Variants in RRP1B observed in about 807,000 individuals in gnomAD.
The protein encoded by RRP1B is ribosomal RNA processing protein 1 homolog B.
In RRP1B, 56 loss-of-function variants were observed where a neutral mutation model predicts 80.2. That is an observed-to-expected ratio of 0.70 (90% confidence interval 0.56 to 0.87). The LOEUF (loss-of-function observed/expected upper bound fraction) is 0.87, where lower values mean the gene tolerates loss of function less well. RRP1B is among the 40% of genes least tolerant of loss of function. RRP1B has a pLI of 0.00. For synonymous variants in RRP1B, 351 were observed against 357.6 expected (o/e 0.98, Z 0.21); for missense variants, 807 against 939.8 (o/e 0.86, Z 1.85).
chr21:43,679,209 G>GTTTTTTGT (rs137939999), intron 8 of RRP1B, among the ~76,000 whole-genome samples: 4,711 of 136,482 alleles, frequency 0.035, 293 homozygotes, highest in African/African-American at 0.16. Context: ...GTTTTTGAGG[G>GTTTTTTGT]TTTTTTGTTT....
intron 1 of RRP1B, among the ~76,000 whole-genome samples, chr21:43,660,941 A>G (rs2082952974): frequency 6.6e-6 from 1 of 152,232 alleles, no homozygotes; most frequent in Non-Finnish European, 1.5e-5. Flanking sequence ...ATGAACTACA[A>G]TGTGTAATAG....
chr21:43,673,316 C>T (rs1245923280), intron 3 of RRP1B, among the ~76,000 whole-genome samples: 1 of 152,126 alleles, frequency 6.6e-6, no homozygotes, highest in Non-Finnish European at 1.5e-5. Flanking sequence ...CCAGCCCTTC[C>T]GGTTATTCTG....
In RRP1B at chr21:43,678,029, AACTGCTGGATCAAATGGTGGATCT is replaced by A. The variant is rs533203515; in HGVS notation, c.796+1119_796+1142del. ...CCTCTTGGTAGATACCCTGCAGTGG[AACTGCTGGATCAAATGGTGGATCT>A]ACTTTTAGTTCTTTAAGGAATCTCC... On this transcript the variant is annotated intron_variant, in intron 8 of 15. Coordinates refer to ENST00000340648, the MANE Select transcript of RRP1B (RefSeq NM_015056.3). 8.3e-3 allele frequency among the ~76,000 whole-genome samples: 1,265 copies of A among 152,330 alleles called. 11 individuals carry two copies. Among genetic ancestry groups the A allele is most frequent in the Middle Eastern group, 0.014 (4 of 294 alleles).
chr21:43,684,469 T>G, intron 9 of RRP1B, 84 bp from the exon 10 acceptor site: 1 of 1,164,244 alleles, frequency 8.6e-7, no homozygotes, highest in Non-Finnish European at 1.3e-6. Context: ...TCAGTAAGGG[T>G]TTCTCTTACT....
chr21:43,685,306 A>G (rs1396544452), intron 10 of RRP1B, among the ~76,000 whole-genome samples: 1 of 152,210 alleles, frequency 6.6e-6, no homozygotes, highest in Non-Finnish European at 1.5e-5. Context: ...CCTGCCATCC[A>G]GTGTCTCCTC....
At chr21:43,676,138 G>A (rs1028929748) in intron 6 of RRP1B, 134 bp from the exon 7 acceptor site, 11 of 632,662 alleles carry the variant, frequency 1.7e-5, no homozygotes, top group Middle Eastern at 2.6e-4. Flanking sequence ...CCACAGGGGC[G>A]CTTTGGGGCT....
chr21:43,693,048 T>G lies in RRP1B; in HGVS notation c.2084-142T>G, dbSNP rs2083093284. 1.3e-6 allele frequency: 1 copy of G among 772,110 alleles called. No individual in the cohort carries two copies. Among genetic ancestry groups the G allele is most frequent in the Non-Finnish European group, 2.1e-6 (1 of 479,062 alleles). 47.8% of individuals were successfully genotyped at this position (772,110 alleles called of 1,614,324 possible). A position where few individuals can be genotyped will look rare whatever the true frequency, so the allele number is the denominator to read the frequency against. The stretch of plus-strand genomic sequence containing the variant: ...CCTTTCCTCAGAAGGCTCTTGGGCC[T>G]GCTCTCTGCAGGGCCTTGAGATGGC... On this transcript the variant is annotated intron_variant, in intron 15 of 15. Coordinates refer to ENST00000340648, the MANE Select transcript of RRP1B (RefSeq NM_015056.3). The surrounding 1 kb of genome is among the most constrained non-coding windows in gnomAD (Gnocchi z 4.1).
Position 43,694,654 on chromosome 21 carries a change from C to T in RRP1B, c.*1271C>T, listed in dbSNP as rs1184716627. 1 of 152,332 alleles carries T rather than the reference C, an allele frequency of 6.6e-6. No homozygotes were observed. Among genetic ancestry groups the T allele is most frequent in the Non-Finnish European group, 1.5e-5 (1 of 68,116 alleles). 9.4% of individuals were successfully genotyped at this position (152,332 alleles called of 1,614,324 possible). On this transcript the variant is annotated 3_prime_UTR_variant, in exon 16 of 16. Coordinates refer to ENST00000340648, the MANE Select transcript of RRP1B (RefSeq NM_015056.3). ...CCAGCCAGCCACGCTCTGCTCAGGCCTGGAAGTGAAAGCCGCCTCCTTCCC... is the reference window on the plus strand; with the variant it reads ...CCAGCCAGCCACGCTCTGCTCAGGCTTGGAAGTGAAAGCCGCCTCCTTCCC...
intron 2 of RRP1B, among the ~76,000 whole-genome samples, chr21:43,671,111 C>T (rs1018527008): frequency 1.3e-5 from 2 of 151,544 alleles, no homozygotes; most frequent in South Asian, 4.2e-4. Flanking sequence ...GCTTTTCTCA[C>T]GGAACCTCAG....
intron 12 of RRP1B, among the ~76,000 whole-genome samples, chr21:43,687,206 T>C (rs1326838271): frequency 6.6e-6 from 1 of 152,158 alleles, no homozygotes; most frequent in African/African-American, 2.4e-5. Context: ...GGGGGGCGGC[T>C]GTTTGATGAC....
At chr21:43,673,644 A>AG (rs1243870606) in intron 3 of RRP1B, among the ~76,000 whole-genome samples, 1 of 135,074 alleles carries the variant, frequency 7.4e-6, no homozygotes, top group East Asian at 1.9e-4. Flanking sequence ...CAAAAAAAAA[A>AG]AAAAAAAAAA....
At chr21:43,664,386 G>A (rs1292879225) in intron 1 of RRP1B, among the ~76,000 whole-genome samples, 1 of 151,856 alleles carries the variant, frequency 6.6e-6, no homozygotes, top group Non-Finnish European at 1.5e-5. Context: ...GTATTCCTAG[G>A]AATAGAAAGT....
intron 14 of RRP1B, 21 bp downstream of exon 14, chr21:43,690,461 G>A (rs1328158026): frequency 1.2e-6 from 2 of 1,611,046 alleles, no homozygotes; most frequent in African/African-American, 1.3e-5. Flanking sequence ...TCCCCAGAGT[G>A]GCACAGCACA....
At position 43,676,387 on chromosome 21, in the gene RRP1B, G is replaced by A. The variant is rs1355322316; in HGVS notation, c.614+51G>A. ...CCTGCTCCGTGGCATTTGCTCATGG[G>A]AGTTACTTGCCGTCGTGCAGCCTGG... On this transcript the variant is annotated intron_variant, in intron 7 of 15. Transcript: ENST00000340648. The A allele has an allele frequency of 2.8e-6, 4 of 1,420,572 alleles. No individual in the cohort carries two copies. The African/African-American group carries it at 5.6e-5, about 20-fold the overall frequency. The allele number at this position is 1,420,572 out of a possible 1,614,324, so 88.0% of individuals were successfully genotyped here.
Position 43,659,866 on chromosome 21 carries a change from C to G in RRP1B, c.130+72C>G. The G allele has an allele frequency of 7.3e-7, 1 of 1,377,614 alleles. No individual in the cohort carries two copies. The allele number at this position is 1,377,614 out of a possible 1,614,324, so 85.3% of individuals were successfully genotyped here. On this transcript the variant is annotated intron_variant, in intron 1 of 15. Coordinates refer to ENST00000340648, the MANE Select transcript of RRP1B (RefSeq NM_015056.3). This position sits in a 1 kb window ranked among gnomAD's most constrained non-coding sequence, Gnocchi z 4.2. ...CCGGGGCTGGGGCTAGGGCCAGGGC[C>G]CCGGCACGGAATGCGGCTTCCACGT...
In RRP1B at chr21:43,685,666, T is replaced by C. The variant is rs1312239195; in HGVS notation, c.990-104T>C. The stretch of plus-strand genomic sequence containing the variant: ...AATTAACAACTATTTAACTATGGCT[T>C]GTATTTTAAAAATCAAATACATATG... On this transcript the variant is annotated intron_variant, in intron 10 of 15. Transcript: ENST00000340648. 1.1e-5 allele frequency: 9 copies of C among 839,790 alleles called. No homozygotes were observed. The African/African-American group carries it at 1.6e-4, about 15-fold the overall frequency. 52.0% of individuals were successfully genotyped at this position (839,790 alleles called of 1,614,324 possible).
At chr21:43,676,471 C>A in intron 7 of RRP1B, 135 bp downstream of exon 7, 1 of 741,366 alleles carries the variant, frequency 1.3e-6, no homozygotes, top group Non-Finnish European at 2.3e-6. Context: ...ACAGCCGAAG[C>A]TTTGAGCAGT....
At chr21:43,664,946 C>T (rs1204536651) in intron 1 of RRP1B, among the ~76,000 whole-genome samples, 2 of 73,490 alleles carry the variant, frequency 2.7e-5, no homozygotes, top group African/African-American at 1.9e-4. Context: ...GGGTCCCTCC[C>T]ACCACGTGGG....
chr21:43,668,309 C>T (rs144857843), intron 1 of RRP1B, among the ~76,000 whole-genome samples: 1,513 of 151,226 alleles, frequency 0.01, 22 homozygotes, highest in African/African-American at 0.033. Flanking sequence ...AAGGTTAACG[C>T]ACTCTGAATA....
Sources: allele counts gnomAD v4.1 joint callset (sites outside exome capture counted in the v4.1 genomes callset), GRCh38; gene constraint gnomAD v4.1.1; non-coding constraint Gnocchi (gnomAD v3.1); transcripts MANE v1.5; gene names NCBI Gene and HGNC (gene_info 2026-07-23, HGNC 2026-07-21).